The following UNK variants were observed in gnomAD, a reference collection of about 807,000 sequenced individuals.
UNK encodes RING finger protein unkempt homolog.
Under a neutral mutation model 97.6 loss-of-function variants are expected in UNK, and 32 were observed. That is an observed-to-expected ratio of 0.33 (90% CI 0.25 to 0.44). The LOEUF is 0.44. Among genes scored for constraint, UNK ranks in the 20% least tolerant of loss-of-function variants. The pLI, the probability that UNK is intolerant of heterozygous loss-of-function variation, is 1.00. For synonymous variants in UNK, 441 were observed against 461.2 expected, an observed-to-expected ratio of 0.96 and a Z score of 0.56; for missense variants, 771 against 1,098.4, an observed-to-expected ratio of 0.70 and a Z score of 4.21.
At chr17:75,786,767 G>A (rs1319959083) in intron 1 of UNK, among the ~76,000 whole-genome samples, 3 of 152,158 alleles carry the variant, frequency 2.0e-5, no homozygotes, top group African/African-American at 7.2e-5. Flanking sequence ...TGAGGCAGGA[G>A]AATCGCTTGA....
chr17:75,818,086 T>G lies in UNK; in HGVS notation c.1306-17T>G. On this transcript the variant is annotated splice_polypyrimidine_tract_variant and intron_variant, in intron 9 of 15. Transcript: ENST00000589666. The surrounding 1 kb of genome is among the most constrained non-coding windows in gnomAD (Gnocchi z 5.1). ...CCCAGCACCACATTCATCCACTCCC[T>G]GAATTTTCTCTCTCAGGCCAAATTA... is the stretch of plus-strand genomic sequence containing the variant. 6.2e-7 allele frequency: 1 copy of G among 1,612,984 alleles called. No homozygotes were observed. Among genetic ancestry groups the G allele is most frequent in the Non-Finnish European group, 8.5e-7 (1 of 1,179,696 alleles).
At chr17:75,791,649 G>T in intron 1 of UNK, 1 of 746,804 alleles carries the variant, frequency 1.3e-6, no homozygotes, top group South Asian at 6.1e-5. Flanking sequence ...AGTGTTAAGT[G>T]CCCTTGCTAA....
intron 1 of UNK, among the ~76,000 whole-genome samples, chr17:75,807,540 C>T (rs991649218): frequency 3.3e-5 from 5 of 152,264 alleles, no homozygotes; most frequent in African/African-American, 4.8e-5. Flanking sequence ...ACTGCAACCT[C>T]CGCCTCCTGG....
chr17:75,802,345 A>G lies in UNK; in HGVS notation c.105-7415A>G, dbSNP rs115342994. 4.7e-3 allele frequency among the ~76,000 whole-genome samples: 627 copies of G among 134,358 alleles called. 4 individuals are homozygous for G. Among genetic ancestry groups the G allele is most frequent in the African/African-American group, 0.016 (583 of 36,052 alleles). 88.1% of individuals were successfully genotyped at this position (134,358 alleles called of 152,430 possible). The stretch of plus-strand genomic sequence containing the variant: ...GCAACCGTAGCTCACTGCAACCTCA[A>G]ACTCTTGGGTTTAGTGATCCTTTCA... On this transcript the variant is annotated intron_variant, in intron 1 of 15. Transcript: ENST00000589666.
At chr17:75,809,397 C>T (rs1389150503) in intron 1 of UNK, among the ~76,000 whole-genome samples, 5 of 152,206 alleles carry the variant, frequency 3.3e-5, no homozygotes, top group Non-Finnish European at 5.9e-5. Flanking sequence ...TTGGCAGAGG[C>T]GCCTCATGCT....
intron 1 of UNK, among the ~76,000 whole-genome samples, chr17:75,791,066 C>T (rs1361322384): frequency 6.6e-6 from 1 of 152,216 alleles, no homozygotes; most frequent in Non-Finnish European, 1.5e-5. Flanking sequence ...CCTTCAACTG[C>T]AGTGACTGCA....
chr17:75,795,118 C>T (rs992978834), intron 1 of UNK, among the ~76,000 whole-genome samples: 13 of 152,112 alleles, frequency 8.5e-5, no homozygotes, highest in Non-Finnish European at 1.8e-4. Flanking sequence ...CTTTGTAGCG[C>T]CTCCATCATA....
chr17:75,812,039 A>G (rs2061974159), intron 2 of UNK, 73 bp from the exon 3 acceptor site: 1 of 1,475,614 alleles, frequency 6.8e-7, no homozygotes, highest in Non-Finnish European at 9.1e-7. Context: ...CAGTTGGGGT[A>G]AGGGCAGGGG....
At chr17:75,807,559 A>G (rs950120485) in intron 1 of UNK, among the ~76,000 whole-genome samples, 9 of 152,150 alleles carry the variant, frequency 5.9e-5, no homozygotes, top group Admixed American at 3.9e-4. Context: ...GGGTTCAGGT[A>G]CTTCTACCTC....
At chr17:75,794,722 C>G (rs1178321606) in intron 1 of UNK, among the ~76,000 whole-genome samples, 1 of 152,028 alleles carries the variant, frequency 6.6e-6, no homozygotes, top group African/African-American at 2.4e-5. Flanking sequence ...GGGTTTGAGG[C>G]CCAGCTCTGT....
At chr17:75,791,535 T>C (rs556883142) in intron 1 of UNK, among the ~76,000 whole-genome samples, 1 of 152,326 alleles carries the variant, frequency 6.6e-6, no homozygotes, top group African/African-American at 2.4e-5. Flanking sequence ...CCAATAAACA[T>C]TTCTGGATCT....
At chr17:75,791,390 G>T (rs1219228088) in intron 1 of UNK, among the ~76,000 whole-genome samples, 1 of 152,122 alleles carries the variant, frequency 6.6e-6, no homozygotes, top group Non-Finnish European at 1.5e-5. Flanking sequence ...GGAAAATCCT[G>T]GACATGAACA....
At chr17:75,821,064 T>TC (rs398120022) in intron 13 of UNK, among the ~76,000 whole-genome samples, 1 of 151,522 alleles carries the variant, frequency 6.6e-6, no homozygotes, top group Non-Finnish European at 1.5e-5. Flanking sequence ...TTTTTTTTTT[T>TC]CGAGTAGGGT....
At chr17:75,806,806 G>A (rs986249344) in intron 1 of UNK, among the ~76,000 whole-genome samples, 1 of 152,066 alleles carries the variant, frequency 6.6e-6, no homozygotes, top group African/African-American at 2.4e-5. Context: ...AGTTAAATTC[G>A]GGCTCTAGGA....
rs1394100706 is a variant in UNK, at chr17:75,812,563, C to T, written c.600C>T (p.Leu200=). The T allele has an allele frequency of 6.2e-7, 1 of 1,613,174 alleles. No homozygotes were observed. The highest frequency in any genetic ancestry group is 1.1e-5 in the South Asian group (1 of 91,034). ...GCCATGCCATGATAGAAAAGATCCT[C>T]AGCGAGGAGCCTCGGTGGCAAGGTA... ...AASHAMIEKI[L]SEEPRWQETA... The change falls in exon 4 of 16, where the codon CTC becomes CTT. Residue 200 remains leucine (L), a synonymous_variant. Coordinates refer to ENST00000589666, the MANE Select transcript of UNK (RefSeq NM_001080419.3).
chr17:75,822,706 C>T, intron 14 of UNK, 48 bp downstream of exon 14: 1 of 1,514,318 alleles, frequency 6.6e-7, no homozygotes, highest in Non-Finnish European at 8.9e-7. Context: ...AGGTGGCATC[C>T]AGCCCAAGAC....
At chr17:75,788,761 G>A (rs1268860624) in intron 1 of UNK, among the ~76,000 whole-genome samples, 1 of 152,110 alleles carries the variant, frequency 6.6e-6, no homozygotes, top group Non-Finnish European at 1.5e-5. Context: ...GGTGTACAGT[G>A]GCATGGGAAG....
Position 75,824,342 on chromosome 17 carries a change from G to A in UNK, c.2358G>A (p.Ala786=), listed in dbSNP as rs753535071. 8 of 1,601,170 alleles carry A rather than the reference G, an allele frequency of 5.0e-6. No homozygotes were observed. The highest frequency in any genetic ancestry group is 3.3e-5 in the South Asian group (3 of 89,686). The part of the protein sequence containing the change: ...KRAVLPCQHA[A]LCELCAEGSE... ...CAGTGCTGCCGTGCCAACACGCTGC[G>A]CTGTGTGAGCTCTGCGCTGAGGGCA... The change falls in exon 16 of 16, where the codon GCG becomes GCA. Residue 786 remains alanine (A), a synonymous_variant. Transcript: ENST00000589666. The surrounding 1 kb of genome is among the most constrained non-coding windows in gnomAD (Gnocchi z 4.9).
chr17:75,802,617 A>G (rs1319775345), intron 1 of UNK, among the ~76,000 whole-genome samples: 1 of 152,148 alleles, frequency 6.6e-6, no homozygotes, highest in African/African-American at 2.4e-5. Flanking sequence ...TTGTAGTTTC[A>G]GTTGCAGGCT....
Sources: gnomAD v4.1 joint callset for allele counts (sites outside exome capture counted in the v4.1 genomes callset) on GRCh38, gnomAD v4.1.1 for gene constraint, Gnocchi (gnomAD v3.1) non-coding constraint, MANE v1.5 for transcripts, NCBI Gene and HGNC (gene_info 2026-07-23, HGNC 2026-07-21) for gene names.